LIPA: variants seen among roughly 807,000 people sequenced by gnomAD.
The protein encoded by LIPA is lipase A, lysosomal acid type, also known as lysosomal acid lipase/cholesteryl ester hydrolase.
Under a neutral mutation model 40.6 loss-of-function variants are expected in LIPA, and 26 were observed. That is an observed-to-expected ratio of 0.64 (90% CI 0.47 to 0.89). The LOEUF is 0.89. Ranked by LOEUF, LIPA falls within the 40% of genes least tolerant of loss-of-function variation. The pLI is 0.00. For missense variants in LIPA, 455 were observed against 479.6 expected, an observed-to-expected ratio of 0.95 and a Z score of 0.48; for synonymous variants, 188 against 168.4, an observed-to-expected ratio of 1.12 and a Z score of -0.90.
At position 89,245,746 on chromosome 10, in the gene LIPA, A is replaced by C. The variant is rs1350346001; in HGVS notation, c.159T>G (p.Val53=). ...YWGFPSEEYL[V]ETEDGYILCL... ...ACAGAATATATCCATCTTCTGTCTC[A>C]ACTAGGTATTCCTCACTAGGGAATC... is the stretch of plus-strand genomic sequence containing the variant. Residue 53 remains valine, a synonymous_variant, in exon 3 of 10, where the codon GTT becomes GTG. Coordinates refer to ENST00000336233, the MANE Select transcript of LIPA (RefSeq NM_000235.4). 4 of 1,604,752 alleles carry C rather than the reference A, an allele frequency of 2.5e-6. No individual in the cohort carries two copies. Among genetic ancestry groups the C allele is most frequent in the Non-Finnish European group, 3.4e-6 (4 of 1,171,530 alleles).
At chr10:89,259,196 G>GTA (rs1173873671) in intron 1 of LIPA, among the ~76,000 whole-genome samples, 2 of 152,168 alleles carry the variant, frequency 1.3e-5, no homozygotes, top group African/African-American at 4.8e-5. Context: ...TTGTATCTCA[G>GTA]TAAGTTTTTT....
intron 1 of LIPA, among the ~76,000 whole-genome samples, chr10:89,322,853 C>T (rs1843579518): frequency 6.6e-6 from 1 of 152,178 alleles, no homozygotes; most frequent in Non-Finnish European, 1.5e-5. Context: ...CCAGGAAGCA[C>T]CTGGAGGGCA....
rs1018349510 is a variant in LIPA at position 89,407,776 on chromosome 10, G to A, written c.61+5015C>T. On this transcript the variant is annotated intron_variant, in intron 2 of 8. Coordinates refer to the LIPA transcript ENST00000371837. ...TGCGTCGGTAAGGGCCGCTAAGTCC[G>A]ATTTTTCTCGGTCCTCTTTGTGGTC... Among the ~76,000 whole-genome samples, 5 of 152,248 alleles carry A rather than the reference G, an allele frequency of 3.3e-5. No individual in the cohort carries two copies. The East Asian group carries it at 7.7e-4, about 24-fold the overall frequency.
chr10:89,307,948 AGTGCCTGATTAATTGAG>A (rs1345708149), intron 1 of LIPA: 1 of 152,992 alleles, frequency 6.5e-6, no homozygotes, highest in Non-Finnish European at 1.5e-5. Context: ...TGTGAATTCA[AGTGCCTGATTAATTGAG>A]GTGGCAACAT....
intron 2 of LIPA, chr10:89,384,465 C>T (rs756778499): frequency 6.6e-5 from 106 of 1,614,022 alleles, no homozygotes; most frequent in South Asian, 3.2e-4. Flanking sequence ...ATTACCACTA[C>T]GGCCGTTTCC....
intron 2 of LIPA, among the ~76,000 whole-genome samples, chr10:89,374,675 G>A (rs994551670): frequency 1.3e-5 from 2 of 152,192 alleles, no homozygotes; most frequent in African/African-American, 2.4e-5. Context: ...TTCAGGGCTA[G>A]TGCCTTACAG....
In LIPA at chr10:89,383,617, G is replaced by T. The variant is rs74146921; in HGVS notation, c.61+29174C>A. ...AAGTCTGGTGACCTGGGGCAACTTTGCCTGGGTGTATTACCACATGGGCAG... is the reference window on the plus strand; with the variant it reads ...AAGTCTGGTGACCTGGGGCAACTTTTCCTGGGTGTATTACCACATGGGCAG... On this transcript the variant is annotated intron_variant, in intron 2 of 8. Coordinates refer to the LIPA transcript ENST00000371837. The T allele has an allele frequency of 1.7e-3, 2,708 of 1,614,208 alleles. 42 individuals are homozygous for T. The African/African-American group carries it at 0.033, about 19-fold the overall frequency.
At chr10:89,313,431 AATAAGT>A (rs1843525952) in intron 1 of LIPA, among the ~76,000 whole-genome samples, 1 of 152,234 alleles carries the variant, frequency 6.6e-6, no homozygotes, top group Non-Finnish European at 1.5e-5. Flanking sequence ...TTACCTCAAA[AATAAGT>A]ATGTTTAATG....
In LIPA at chr10:89,216,068, T is replaced by C. The variant is rs1291007571; in HGVS notation, c.895-59A>G. 6.0e-6 allele frequency: 7 copies of C among 1,162,404 alleles called. No individual in the cohort carries two copies. The Admixed American group carries it at 8.4e-5, about 14-fold the overall frequency. 72.0% of individuals were successfully genotyped at this position (1,162,404 alleles called of 1,614,324 possible). On this transcript the variant is annotated intron_variant, in intron 8 of 9. Coordinates refer to ENST00000336233, the MANE Select transcript of LIPA (RefSeq NM_000235.4). Reference sequence around the variant, plus strand: ...GACACCAAAGTTAGAGATAACATCATAGGTTGCTGGAGCTAGCCACAACCT... The same window carrying C: ...GACACCAAAGTTAGAGATAACATCACAGGTTGCTGGAGCTAGCCACAACCT...
At chr10:89,306,544 C>A (rs771467429) in intron 1 of LIPA, 2 of 1,614,096 alleles carry the variant, frequency 1.2e-6, no homozygotes, top group Admixed American at 1.7e-5. Context: ...ACGCCATTGA[C>A]CCTCTGAGGC....
At chr10:89,408,536 A>T (rs566565085) in intron 2 of LIPA, among the ~76,000 whole-genome samples, 13 of 152,226 alleles carry the variant, frequency 8.5e-5, no homozygotes, top group Non-Finnish European at 2.9e-5. Context: ...AGGACCACAA[A>T]AACCCCAGGG....
At chr10:89,267,960 A>C (rs748864436) in intron 1 of LIPA, among the ~76,000 whole-genome samples, 23 of 152,160 alleles carry the variant, frequency 1.5e-4, no homozygotes, top group Non-Finnish European at 3.2e-4. Flanking sequence ...AATGGGGAAT[A>C]AGCTGTGGGT....
intron 7 of LIPA, among the ~76,000 whole-genome samples, chr10:89,223,443 A>C (rs1842725962): frequency 1.3e-5 from 2 of 152,164 alleles, no homozygotes; most frequent in African/African-American, 4.8e-5. Context: ...TTTGTGACAG[A>C]TCTCCTCATT....
chr10:89,222,612 T>C (rs760907041), intron 7 of LIPA, 30 bp from the exon 8 acceptor site: 8 of 1,330,056 alleles, frequency 6.0e-6, no homozygotes, highest in Non-Finnish European at 8.7e-6. Flanking sequence ...AAATGAAGAA[T>C]GAAAACAGCA....
chr10:89,266,031 C>G (rs907119738), intron 1 of LIPA, among the ~76,000 whole-genome samples: 3 of 152,226 alleles, frequency 2.0e-5, no homozygotes, highest in Non-Finnish European at 4.4e-5. Flanking sequence ...CTCCCAGCCC[C>G]CTTCAGCTGT....
upstream of LIPA, among the ~76,000 whole-genome samples, chr10:89,345,846 CAGA>C (rs1259747557): frequency 1.3e-5 from 2 of 152,072 alleles, no homozygotes; most frequent in Middle Eastern, 3.4e-3. Context: ...ATCAGAGTTG[CAGA>C]AGAACAAATA....
chr10:89,384,386 A>G, intron 2 of LIPA: 1 of 1,614,184 alleles, frequency 6.2e-7, no homozygotes, highest in Non-Finnish European at 8.5e-7. Context: ...CACCACAGAA[A>G]GGCTGAGGAA....
At chr10:89,241,786 G>A (rs1296708206) in intron 3 of LIPA, among the ~76,000 whole-genome samples, 3 of 152,080 alleles carry the variant, frequency 2.0e-5, no homozygotes, top group African/African-American at 7.2e-5. Flanking sequence ...AGATACAAAT[G>A]TGCCACTCTT....
At chr10:89,359,815 T>TCTCACACA (rs774357082) in intron 2 of LIPA, among the ~76,000 whole-genome samples, 15 of 146,206 alleles carry the variant, frequency 1.0e-4, no homozygotes, top group Admixed American at 8.2e-4. Flanking sequence ...TCTCTCTCTC[T>TCTCACACA]CACACACACA....
Sources: allele counts gnomAD v4.1 joint callset (sites outside exome capture counted in the v4.1 genomes callset), GRCh38; gene constraint gnomAD v4.1.1; transcripts MANE v1.5; gene names NCBI Gene and HGNC (gene_info 2026-07-23, HGNC 2026-07-21).